Variants in LTBP2 observed in about 807,000 individuals in gnomAD.
LTBP2 encodes latent-transforming growth factor beta-binding protein 2.
Under a neutral mutation model 210.6 loss-of-function variants are expected in LTBP2, and 103 were observed. That is an observed-to-expected ratio of 0.49 (90% CI 0.42 to 0.58). The LOEUF (loss-of-function observed/expected upper bound fraction) is 0.58, where lower values mean the gene tolerates loss of function less well. Among genes scored for constraint, LTBP2 ranks in the 20% least tolerant of loss-of-function variants. LTBP2 has a pLI of 0.00. For synonymous variants in LTBP2, 1,007 were observed against 1,015.0 expected, an observed-to-expected ratio of 0.99 and a Z score of 0.15; for missense variants, 2,313 against 2,494.5, an observed-to-expected ratio of 0.93 and a Z score of 1.55.
At position 74,516,871 on chromosome 14, in the gene LTBP2, G is replaced by T; in HGVS notation, c.2859C>A (p.His953Gln). The change falls in exon 18 of 36, where the codon CAC becomes CAA. Residue 953 changes from histidine to glutamine, a missense_variant. This residue lies in a region of LTBP2 where 1,867 missense variants were observed against 1,976.9 expected (regional missense o/e 0.94). Transcript: ENST00000261978. The part of the protein sequence containing the change: ...GQCTNTEGSY[H>Q]CECDQGYIMV... ...TGATGTAGCCCTGATCACACTCGCA[G>T]TGGTACGAGCCCTCGGTGTTGGTGC... The T allele has an allele frequency of 6.4e-7, 1 of 1,551,972 alleles. No individual in the cohort carries two copies.
chr14:74,502,105 A>G (rs2086917456), intron 34 of LTBP2: 2 of 280,348 alleles, frequency 7.1e-6, no homozygotes, highest in South Asian at 3.8e-5. Context: ...ACCCAGAGGT[A>G]TGGTTTTAGT....
rs1358605503 is a variant in LTBP2, at chr14:74,507,184, C to T, written c.3902G>A (p.Cys1301Tyr). Residue 1301 changes from cysteine to tyrosine, a missense_variant, in exon 26 of 36, where the codon TGC becomes TAC. Cys to Tyr is a radical substitution (Grantham distance 194). Coordinates refer to ENST00000261978, the MANE Select transcript of LTBP2 (RefSeq NM_000428.3). ...TCTCCTCCCTCCCTACTCACCAATGCAGTCTCCGTTCGGGGCCATGTGGAA... is the reference window on the plus strand; with the variant it reads ...TCTCCTCCCTCCCTACTCACCAATGTAGTCTCCGTTCGGGGCCATGTGGAA... ...PGFHMAPNGDCIDIDECANDT... is the reference protein window; with the variant it reads ...PGFHMAPNGDYIDIDECANDT... 3 of 1,614,022 alleles carry T rather than the reference C, an allele frequency of 1.9e-6. No individual in the cohort carries two copies. In the South Asian group the frequency reaches 3.3e-5, roughly 18 times the overall value.
rs767331648 is a variant in LTBP2, at chr14:74,509,281, G to A, written c.3360C>T (p.Cys1120=). 15 of 1,613,648 alleles carry A rather than the reference G, an allele frequency of 9.3e-6. No individual in the cohort carries two copies. Among genetic ancestry groups the A allele is most frequent in the East Asian group, 4.5e-5 (2 of 44,880 alleles). Residue 1120 remains cysteine (C), a synonymous_variant, in exon 22 of 36, where the codon TGC becomes TGT. Transcript: ENST00000261978. ...NTAGSFSCKD[C]DGGYRPSPLG... Reference sequence around the variant, plus strand: ...GGGGGCTGGGCCGGTAGCCCCCATCGCAGTCCTTGCAGGAGAAGGAGCCAG... The same window carrying A: ...GGGGGCTGGGCCGGTAGCCCCCATCACAGTCCTTGCAGGAGAAGGAGCCAG...
rs74822400 is a variant in LTBP2, at chr14:74,567,966, A to G, written c.831-12273T>C. On this transcript the variant is annotated intron_variant, in intron 3 of 35. Coordinates refer to ENST00000261978, the MANE Select transcript of LTBP2 (RefSeq NM_000428.3). ...TGAATTCGTCGTTCAACCACCGCCAACGTGCACCGTCCCATCAGGCATTAT... is the reference window on the plus strand; with the variant it reads ...TGAATTCGTCGTTCAACCACCGCCAGCGTGCACCGTCCCATCAGGCATTAT... Among the ~76,000 whole-genome samples, 1,136 of 152,202 alleles carry G rather than the reference A, an allele frequency of 7.5e-3. 10 individuals are homozygous for G. The highest frequency in any genetic ancestry group is 0.017 in the African/African-American group (717 of 41,520).
intron 31 of LTBP2, 130 bp from the exon 32 acceptor site, chr14:74,503,736 G>A (rs1220637181): frequency 3.0e-6 from 4 of 1,314,332 alleles, no homozygotes; most frequent in Non-Finnish European, 3.9e-6. Context: ...ACCCAGCCCA[G>A]CCTGGAAGGC....
chr14:74,548,397 G>A (rs1257607025), intron 8 of LTBP2, among the ~76,000 whole-genome samples: 2 of 151,948 alleles, frequency 1.3e-5, no homozygotes, highest in Non-Finnish European at 2.9e-5. Context: ...CCACTAAATT[G>A]TAAGCTTGGA....
chr14:74,522,279 G>A (rs904469885), intron 16 of LTBP2, among the ~76,000 whole-genome samples: 5 of 152,100 alleles, frequency 3.3e-5, no homozygotes, highest in African/African-American at 1.2e-4. Context: ...TCTGCCCCTC[G>A]ACTCCTTCCC....
At position 74,537,516 on chromosome 14, in the gene LTBP2, C is replaced by T. The variant is rs376153644; in HGVS notation, c.1790-1516G>A. The stretch of plus-strand genomic sequence containing the variant: ...ATGATGGCTTCCTGTAGCAATTTGC[C>T]GTCTTCTAGCTTTGACTCCTTTGTG... On this transcript the variant is annotated intron_variant, in intron 8 of 35. Transcript: ENST00000261978. Among the ~76,000 whole-genome samples, 6 of 152,154 alleles carry T rather than the reference C, an allele frequency of 3.9e-5. No individual in the cohort carries two copies. The South Asian group carries it at 6.2e-4, about 16-fold the overall frequency.
chr14:74,543,503 AGCCTGCCTGCCT>A (rs67321882), intron 8 of LTBP2, among the ~76,000 whole-genome samples: 4 of 125,448 alleles, frequency 3.2e-5, no homozygotes, highest in Non-Finnish European at 1.7e-5. Context: ...AACCCTATAG[AGCCTGCCTGCCT>A]GCCTGCCTGC....
rs1443152130 is a variant in LTBP2 at position 74,500,757 on chromosome 14, C to G, written c.*127G>C. On this transcript the variant is annotated 3_prime_UTR_variant, in exon 36 of 36. Coordinates refer to ENST00000261978, the MANE Select transcript of LTBP2 (RefSeq NM_000428.3). ...GAGGCTAAGCTGGGAGAGATGAAAG[C>G]AGGCAAGGCTGATTGGAAACCTCTG... 2 of 1,285,388 alleles carry G rather than the reference C, an allele frequency of 1.6e-6. No homozygotes were observed. Among genetic ancestry groups the G allele is most frequent in the Non-Finnish European group, 2.2e-6 (2 of 891,428 alleles). 79.6% of individuals were successfully genotyped at this position (1,285,388 alleles called of 1,614,324 possible).
chr14:74,507,928 G>A (rs1241797881), intron 25 of LTBP2, 45 bp downstream of exon 25: 1 of 1,610,536 alleles, frequency 6.2e-7, no homozygotes, highest in East Asian at 2.2e-5. Flanking sequence ...TGTAGAGATG[G>A]GCAGATGTGG....
At position 74,516,603 on chromosome 14, in the gene LTBP2, T is replaced by C. The variant is rs74485198; in HGVS notation, c.2908+219A>G. 4.3e-3 allele frequency among the ~76,000 whole-genome samples: 648 copies of C among 152,286 alleles called. 13 individuals are homozygous for C. The highest frequency in any genetic ancestry group is 0.032 in the Admixed American group (497 of 15,300). On this transcript the variant is annotated intron_variant, in intron 18 of 35. Coordinates refer to ENST00000261978, the MANE Select transcript of LTBP2 (RefSeq NM_000428.3). The stretch of plus-strand genomic sequence containing the variant: ...GGTGTCATGTGGATAAAGTTGTTCA[T>C]GCTCCCCTGCTGCAGGTGGCAGACA...
chr14:74,611,178 A>C lies in LTBP2; in HGVS notation c.494+273T>G, dbSNP rs115011514. ...GTTGCAGGCAGGAGGAACGCGGGCGAGTGGAGAGGCGCCTTGCGAAAGGAT... is the reference window on the plus strand; with the variant it reads ...GTTGCAGGCAGGAGGAACGCGGGCGCGTGGAGAGGCGCCTTGCGAAAGGAT... On this transcript the variant is annotated intron_variant, in intron 1 of 35. Transcript: ENST00000261978. Among the ~76,000 whole-genome samples, 1,932 of 152,254 alleles carry C rather than the reference A, an allele frequency of 0.013. 45 individuals carry two copies. Among genetic ancestry groups the C allele is most frequent in the African/African-American group, 0.044 (1,845 of 41,542 alleles).
chr14:74,575,749 G>A lies in LTBP2; in HGVS notation c.830+10105C>T, dbSNP rs78315869. ...CTCTGCAACAGCAGGGAGATGGGGC[G>A]TGGGTGGTGAAGGAAGTTCTTGGCT... On this transcript the variant is annotated intron_variant, in intron 3 of 35. Transcript: ENST00000261978. Among the ~76,000 whole-genome samples the A allele has an allele frequency of 1.4e-3, 214 of 152,342 alleles. 1 individual carries two copies. The highest frequency in any genetic ancestry group is 5.0e-3 in the African/African-American group (209 of 41,570).
At chr14:74,510,916 GGGAACTGCAGAA>G (rs1427375612) in intron 19 of LTBP2, among the ~76,000 whole-genome samples, 1 of 152,218 alleles carries the variant, frequency 6.6e-6, no homozygotes, top group Non-Finnish European at 1.5e-5. Context: ...CTTCCTCCCT[GGGAACTGCAGAA>G]GGGCCTGGCC....
At chr14:74,556,679 G>T (rs2087733568) in intron 3 of LTBP2, among the ~76,000 whole-genome samples, 1 of 152,190 alleles carries the variant, frequency 6.6e-6, no homozygotes, top group South Asian at 2.1e-4. Flanking sequence ...ACCACTCCTG[G>T]TTAATTTTTT....
chr14:74,597,925 T>G (rs748221004), intron 2 of LTBP2, among the ~76,000 whole-genome samples: 18 of 152,208 alleles, frequency 1.2e-4, no homozygotes, highest in Non-Finnish European at 2.5e-4. Context: ...CCCTTGCCCT[T>G]ACTCCTTTTC....
chr14:74,520,632 C>G (rs2087189837), intron 17 of LTBP2, among the ~76,000 whole-genome samples: 1 of 152,118 alleles, frequency 6.6e-6, no homozygotes, highest in South Asian at 2.1e-4. Context: ...AAAACCCTGT[C>G]TCTACTAAAA....
chr14:74,608,724 A>G (rs1208961890), intron 1 of LTBP2, among the ~76,000 whole-genome samples: 2 of 140,610 alleles, frequency 1.4e-5, no homozygotes, highest in African/African-American at 5.5e-5. Context: ...AGAAAAAAAA[A>G]AAAAGAAAAA....
Sources: allele counts gnomAD v4.1 joint callset (sites outside exome capture counted in the v4.1 genomes callset), GRCh38; gene constraint gnomAD v4.1.1; regional missense constraint gnomAD v4.1.1; transcripts MANE v1.5; gene names NCBI Gene and HGNC (gene_info 2026-07-23, HGNC 2026-07-21).